The following RP1 variants were observed in gnomAD, a reference collection of about 807,000 sequenced individuals.
RP1 encodes oxygen-regulated protein 1.
Under a neutral mutation model 14.8 loss-of-function variants are expected in RP1, and 16 were observed. The observed-to-expected ratio is 1.08, with a 90% CI of 0.73 to 1.65. The LOEUF (loss-of-function observed/expected upper bound fraction) is 1.65. RP1 is among the 40% of genes most tolerant of loss of function. The pLI is 0.00. For synonymous variants in RP1, 876 were observed against 883.6 expected (o/e 0.99, Z 0.15); for missense variants, 2,631 against 2,535.0 (o/e 1.04, Z -0.81).
At chr8:54,599,371 T>C (rs530486762) in intron 1 of RP1, among the ~76,000 whole-genome samples, 2 of 152,208 alleles carry the variant, frequency 1.3e-5, no homozygotes, top group Non-Finnish European at 2.9e-5. Context: ...GAATTGCTTG[T>C]TGAAGTAGTT....
At chr8:54,754,482 TTAAAA>T (rs1358910270) in intron 19 of RP1, among the ~76,000 whole-genome samples, 1 of 152,158 alleles carries the variant, frequency 6.6e-6, no homozygotes, top group Non-Finnish European at 1.5e-5. Context: ...TAAAAGATAG[TTAAAA>T]TAAAGCACTC....
At chr8:54,855,238 A>G (rs1225287106) in intron 26 of RP1, among the ~76,000 whole-genome samples, 1 of 152,128 alleles carries the variant, frequency 6.6e-6, no homozygotes. Flanking sequence ...GACAGGATTT[A>G]TTTCCTTCGC....
At chr8:54,827,196 C>T (rs1167803520) in intron 24 of RP1, among the ~76,000 whole-genome samples, 1 of 152,126 alleles carries the variant, frequency 6.6e-6, no homozygotes, top group Non-Finnish European at 1.5e-5. Flanking sequence ...CAAGCCTACA[C>T]TAGATTTATA....
chr8:54,695,633 A>G (rs1293349114), intron 12 of RP1, among the ~76,000 whole-genome samples: 2 of 152,130 alleles, frequency 1.3e-5, no homozygotes, highest in African/African-American at 2.4e-5. Flanking sequence ...TTCATTGTGA[A>G]CTCATTAGTT....
chr8:54,608,615 A>C (rs1034178226), intron 1 of RP1, among the ~76,000 whole-genome samples: 1 of 152,238 alleles, frequency 6.6e-6, no homozygotes, highest in East Asian at 1.9e-4. Context: ...ACGATATTGC[A>C]GCAAACCACC....
chr8:54,594,013 G>T lies in RP1; in HGVS notation c.-12-26942G>T, dbSNP rs149387312. Reference sequence around the variant, plus strand: ...AGGAAACACATCATTCCTGAACTCTGAGAGAACTTGGGACCAGGAACTTGG... The same window carrying T: ...AGGAAACACATCATTCCTGAACTCTTAGAGAACTTGGGACCAGGAACTTGG... On this transcript the variant is annotated intron_variant, in intron 1 of 22. Transcript: ENST00000636932. Among the ~76,000 whole-genome samples the T allele has an allele frequency of 5.6e-3, 846 of 152,078 alleles. 9 individuals are homozygous for T. The highest frequency in any genetic ancestry group is 0.03 in the East Asian group (157 of 5,148).
At chr8:54,810,028 C>T (rs1459681368) in intron 24 of RP1, among the ~76,000 whole-genome samples, 1 of 152,142 alleles carries the variant, frequency 6.6e-6, no homozygotes, top group Admixed American at 6.5e-5. Flanking sequence ...AACAGTATGC[C>T]TATGTGTCTA....
intron 15 of RP1, among the ~76,000 whole-genome samples, chr8:54,707,860 A>G (rs796496874): frequency 6.6e-6 from 1 of 152,200 alleles, no homozygotes; most frequent in African/African-American, 2.4e-5. Flanking sequence ...GTGCATAATG[A>G]AGTAGATTTT....
chr8:54,753,480 G>A (rs1809423868), intron 19 of RP1, among the ~76,000 whole-genome samples: 2 of 152,172 alleles, frequency 1.3e-5, no homozygotes, highest in African/African-American at 4.8e-5. Context: ...CTCCTTAGAA[G>A]AGGTTATGTG....
intron 24 of RP1, among the ~76,000 whole-genome samples, chr8:54,814,414 C>G (rs1811085361): frequency 6.6e-6 from 1 of 152,152 alleles, no homozygotes; most frequent in Non-Finnish European, 1.5e-5. Flanking sequence ...GAAAGTATTT[C>G]AGACTATAGT....
upstream of RP1, among the ~76,000 whole-genome samples, chr8:54,614,139 G>C (rs541460383): frequency 1.3e-5 from 2 of 152,326 alleles, no homozygotes; most frequent in East Asian, 3.9e-4. Flanking sequence ...TACATGGCTT[G>C]CAGATTCACA....
Position 54,629,190 on chromosome 8 carries a change from A to G in RP1, c.5308A>G (p.Thr1770Ala). The G allele has an allele frequency of 6.2e-7, 1 of 1,614,142 alleles. No homozygotes were observed. The highest frequency in any genetic ancestry group is 8.5e-7 in the Non-Finnish European group (1 of 1,179,974). Residue 1770 changes from threonine (T) to alanine (A), a missense_variant, in exon 4 of 4, where the codon ACA (threonine) becomes GCA (alanine). By Grantham distance (58) the Thr-to-Ala change is moderately conservative. Transcript: ENST00000220676. ...NPGMCGNADT[T>A]SVDTLLDNNS... ...TGGCATGTGTGGCAATGCAGACACC[A>G]CATCAGTGGACACCCTACTTGATAA...
intron 15 of RP1, among the ~76,000 whole-genome samples, chr8:54,717,689 C>A (rs568115609): frequency 2.0e-5 from 3 of 152,052 alleles, no homozygotes; most frequent in African/African-American, 7.2e-5. Flanking sequence ...AGATCAAGAA[C>A]AAAGCAAGGA....
chr8:54,614,844 G>C (rs1337550962), upstream of RP1, among the ~76,000 whole-genome samples: 2 of 152,132 alleles, frequency 1.3e-5, no homozygotes, highest in Non-Finnish European at 2.9e-5. Flanking sequence ...AGCCTCACTG[G>C]CAGAAATACT....
At position 54,626,638 on chromosome 8, in the gene RP1, G is replaced by T. The variant is rs779290365; in HGVS notation, c.2756G>T (p.Trp919Leu). ...TCAATTCAAAATTATATACAGAGTT[G>T]GTTGCAGAACATAAATCCATATCCA... is the stretch of plus-strand genomic sequence containing the variant. ...HHSIQNYIQS[W>L]LQNINPYPTL... The change falls in exon 4 of 4, where the codon TGG becomes TTG. Residue 919 changes from tryptophan to leucine, a missense_variant. Physicochemically the swap from Trp to Leu is moderately conservative, Grantham distance 61 (BLOSUM62 -2). Transcript: ENST00000220676. The T allele has an allele frequency of 6.2e-7, 1 of 1,613,796 alleles. No homozygotes were observed. The highest frequency in any genetic ancestry group is 8.5e-7 in the Non-Finnish European group (1 of 1,179,906).
chr8:54,651,371 A>C (rs1806652416), intron 4 of RP1, among the ~76,000 whole-genome samples: 1 of 152,044 alleles, frequency 6.6e-6, no homozygotes, highest in African/African-American at 2.4e-5. Flanking sequence ...ATTTGATAGA[A>C]TTCACCAATG....
intron 24 of RP1, among the ~76,000 whole-genome samples, chr8:54,784,870 T>C (rs1810279157): frequency 6.6e-6 from 1 of 152,100 alleles, no homozygotes; most frequent in Non-Finnish European, 1.5e-5. Context: ...TTCTGCAATA[T>C]AATTCACTCT....
chr8:54,702,179 A>G (rs1808037477), intron 14 of RP1, among the ~76,000 whole-genome samples: 1 of 152,200 alleles, frequency 6.6e-6, no homozygotes, highest in Non-Finnish European at 1.5e-5. Flanking sequence ...TTTAATCATC[A>G]CAAAAACACT....
intron 17 of RP1, among the ~76,000 whole-genome samples, chr8:54,731,285 C>T (rs1353237961): frequency 1.3e-5 from 2 of 152,168 alleles, no homozygotes; most frequent in African/African-American, 4.8e-5. Context: ...TTAAATTGTT[C>T]AGTCACCCTC....
Sources: gnomAD v4.1 joint callset for allele counts (sites outside exome capture counted in the v4.1 genomes callset) on GRCh38, gnomAD v4.1.1 for gene constraint, MANE v1.5 for transcripts, NCBI Gene and HGNC (gene_info 2026-07-23, HGNC 2026-07-21) for gene names.